The following LRP5 variants were observed in gnomAD, a reference collection of about 807,000 sequenced individuals.
The protein encoded by LRP5 is low-density lipoprotein receptor-related protein 5.
LRP5 carries 62 observed loss-of-function variants against 154.1 expected under a neutral mutation model. The ratio of observed to expected loss-of-function variants is 0.40; its 90% CI spans 0.33 to 0.50. LRP5 has a LOEUF of 0.50. Among genes scored for constraint, LRP5 ranks in the 20% least tolerant of loss-of-function variants. The pLI is 0.55. For missense variants in LRP5, 1,915 were observed against 2,336.7 expected, an observed-to-expected ratio of 0.82 and a Z score of 3.72; for synonymous variants, 966 against 1,011.5, an observed-to-expected ratio of 0.96 and a Z score of 0.85.
the LRP5 span, among the ~76,000 whole-genome samples, chr11:68,305,462 G>C: frequency 6.6e-6 from 1 of 151,980 alleles, no homozygotes; most frequent in African/African-American, 2.4e-5. Flanking sequence ...TTTATTTTGA[G>C]ACAGGGTTTC....
rs1565105942 is a variant in LRP5, at chr11:68,427,975, T to TTTATTTATTTATTTA, written c.3638-1598_3638-1597insATTTATTTATTTATT. Among the ~76,000 whole-genome samples, 3 of 43,420 alleles carry TTTATTTATTTATTTA rather than the reference T, an allele frequency of 6.9e-5. No homozygotes were observed. The East Asian group carries it at 3.3e-3, about 48-fold the overall frequency. 28.5% of individuals were successfully genotyped at this position (43,420 alleles called of 152,430 possible). The stretch of plus-strand genomic sequence containing the variant: ...ATTTTATTTTATTTTATTTTATTTT[T>TTTATTTATTTATTTA]TTTATTTATTTATTTATTTATTTAT... On this transcript the variant is annotated intron_variant, in intron 16 of 22. Transcript: ENST00000294304.
chr11:68,397,972 TTGTGTGTG>T (rs113280059), intron 7 of LRP5, among the ~76,000 whole-genome samples: 27 of 142,192 alleles, frequency 1.9e-4, no homozygotes, highest in South Asian at 4.7e-4. Flanking sequence ...CTGTGTGTGT[TTGTGTGTG>T]TGTGTGTGTG....
In LRP5 at chr11:68,357,822, C is replaced by T. The variant is rs765147716; in HGVS notation, c.661C>T (p.Arg221Cys). 5 of 1,613,404 alleles carry T rather than the reference C, an allele frequency of 3.1e-6. No individual in the cohort carries two copies. The highest frequency in any genetic ancestry group is 2.2e-5 in the East Asian group (1 of 44,834). ...WADAKLSFIH[R>C]ANLDGSFRQK... Reference sequence around the variant, plus strand: ...TGACGCCAAGCTCAGCTTCATCCACCGTGCCAACCTGGACGGCTCGTTCCG... The same window carrying T: ...TGACGCCAAGCTCAGCTTCATCCACTGTGCCAACCTGGACGGCTCGTTCCG... Residue 221 changes from arginine (R) to cysteine (C), a missense_variant, in exon 3 of 23, where the codon CGT becomes TGT. Physicochemically the swap from Arg to Cys is radical, Grantham distance 180 (BLOSUM62 -3). Around this residue, in one of 3 missense-constraint regions of LRP5, gnomAD observed 773 missense variants for 1,100.9 expected, o/e 0.70. Coordinates refer to ENST00000294304, the MANE Select transcript of LRP5 (RefSeq NM_002335.4).
chr11:68,433,122 C>T (rs1488601152), intron 17 of LRP5, among the ~76,000 whole-genome samples: 1 of 152,238 alleles, frequency 6.6e-6, no homozygotes, highest in East Asian at 1.9e-4. Context: ...AGCAGTCCCA[C>T]ACCCGCAACA....
At chr11:68,322,743 C>G (rs2098597413) in intron 1 of LRP5, among the ~76,000 whole-genome samples, 1 of 152,280 alleles carries the variant, frequency 6.6e-6, no homozygotes. Context: ...CCTCCTCTGG[C>G]TCGAATTCTG....
intron 2 of LRP5, among the ~76,000 whole-genome samples, chr11:68,356,477 G>A (rs1282477436): frequency 1.3e-5 from 2 of 152,088 alleles, no homozygotes. Flanking sequence ...TTTTCAAACA[G>A]TTGTAGGTTC....
At chr11:68,352,650 C>T (rs566949722) in intron 2 of LRP5, among the ~76,000 whole-genome samples, 10 of 150,048 alleles carry the variant, frequency 6.7e-5, no homozygotes, top group African/African-American at 1.7e-4. Flanking sequence ...AGGTGCTTGG[C>T]GCTTGGTTGG....
intron 21 of LRP5, chr11:68,445,556 T>C (rs1565124092): frequency 3.1e-6 from 4 of 1,295,644 alleles, no homozygotes; most frequent in East Asian, 4.3e-5. Context: ...GACAGTTCTG[T>C]TCCCATTATT....
intron 1 of LRP5, among the ~76,000 whole-genome samples, chr11:68,344,911 G>A (rs186991491): frequency 2.3e-4 from 28 of 119,528 alleles, no homozygotes; most frequent in African/African-American, 8.6e-4. Flanking sequence ...CATCTAGACT[G>A]GAGTTCAGTG....
intron 5 of LRP5, among the ~76,000 whole-genome samples, chr11:68,372,294 G>A (rs981597872): frequency 7.0e-6 from 1 of 143,808 alleles, no homozygotes; most frequent in South Asian, 2.3e-4. Flanking sequence ...GCAGACCCGG[G>A]ACTGTGGTGA....
In LRP5 at chr11:68,339,637, T is replaced by C. The variant is rs188142600; in HGVS notation, c.92-8210T>C. ...CTGGGATTACAGGCGTGAGCCACCA[T>C]ACCTGGCCATAATATTCGTTTTTAT... On this transcript the variant is annotated intron_variant, in intron 1 of 22. Coordinates refer to ENST00000294304, the MANE Select transcript of LRP5 (RefSeq NM_002335.4). 4.2e-3 allele frequency among the ~76,000 whole-genome samples: 642 copies of C among 152,058 alleles called. 1 individual carries two copies. Among genetic ancestry groups the C allele is most frequent in the Non-Finnish European group, 6.7e-3 (453 of 67,976 alleles).
intron 5 of LRP5, among the ~76,000 whole-genome samples, chr11:68,374,686 C>A (rs1342307332): frequency 6.6e-6 from 1 of 152,178 alleles, no homozygotes; most frequent in Non-Finnish European, 1.5e-5. Context: ...TCCTCAACCC[C>A]CGCCCCCTCC....
chr11:68,434,184 A>G (rs2098673570), intron 18 of LRP5, among the ~76,000 whole-genome samples: 1 of 152,176 alleles, frequency 6.6e-6, no homozygotes, highest in African/African-American at 2.4e-5. Flanking sequence ...GTCTCCACTG[A>G]CCAGTCTGTG....
intron 21 of LRP5, among the ~76,000 whole-genome samples, chr11:68,441,516 G>T (rs909788437): frequency 5.9e-5 from 9 of 152,186 alleles, no homozygotes; most frequent in Admixed American, 5.2e-4. Context: ...GGGACAAAGG[G>T]AACTGGTAAC....
chr11:68,391,825 G>A (rs1434407785), intron 7 of LRP5, among the ~76,000 whole-genome samples: 2 of 152,246 alleles, frequency 1.3e-5, no homozygotes, highest in South Asian at 2.1e-4. Context: ...TGTGACAGGC[G>A]TTGTTCCATG....
At chr11:68,433,877 C>T (rs1353471244) in intron 18 of LRP5, 39 bp downstream of exon 18, 11 of 1,583,236 alleles carry the variant, frequency 6.9e-6, no homozygotes, top group Middle Eastern at 1.8e-4. Flanking sequence ...AAGACCCTGG[C>T]CCTGCCCTCC....
In LRP5 at chr11:68,365,673, T is replaced by TGCAGGACAACG; in HGVS notation, c.994_1004dup (p.Cys336ThrfsTer52). 7.0e-7 allele frequency: 1 copy of TGCAGGACAACG among 1,436,672 alleles called. No homozygotes were observed. Among genetic ancestry groups the TGCAGGACAACG allele is most frequent in the South Asian group, 1.1e-5 (1 of 88,994 alleles). 89.0% of individuals were successfully genotyped at this position (1,436,672 alleles called of 1,614,324 possible). A position where few individuals can be genotyped will look rare whatever the true frequency, so the allele number is the denominator to read the frequency against. ...TGCGCCTGCCCCACGGGTGTGCAGCTGCAGGACAACGGCAGGACGTGTAAG... is the reference window on the plus strand; with the variant it reads ...TGCGCCTGCCCCACGGGTGTGCAGCTGCAGGACAACGGCAGGACAACGGCAGGACGTGTAAG... On this transcript the variant is annotated frameshift_variant, in exon 5 of 23. Transcript: ENST00000294304. LOFTEE classifies it high-confidence loss of function.
intron 18 of LRP5, among the ~76,000 whole-genome samples, 189 bp from the exon 19 acceptor site, chr11:68,436,700 C>T (rs1565114696): frequency 1.3e-5 from 2 of 152,222 alleles, no homozygotes; most frequent in South Asian, 2.1e-4. Context: ...CCCTCCCCTG[C>T]GTGGCATAGG....
intron 5 of LRP5, among the ~76,000 whole-genome samples, chr11:68,377,846 T>TGGATCTCAGCTTTCCCC (rs56209165): frequency 6.6e-6 from 1 of 151,238 alleles, no homozygotes; most frequent in African/African-American, 2.4e-5. Context: ...CAGCTTTCCC[T>TGGATCTCAGCTTTCCCC]GGATCTCAGC....
Sources: gnomAD v4.1 joint callset for allele counts (sites outside exome capture counted in the v4.1 genomes callset) on GRCh38, gnomAD v4.1.1 for gene constraint, gnomAD v4.1.1 regional missense constraint, MANE v1.5 for transcripts, NCBI Gene and HGNC (gene_info 2026-07-23, HGNC 2026-07-21) for gene names.